FGD2: variants seen among roughly 807,000 people sequenced by gnomAD.
FGD2 encodes FYVE, RhoGEF and PH domain-containing protein 2.
A neutral mutation model predicts 75.9 loss-of-function variants in FGD2; 52 were observed. That is an observed-to-expected ratio of 0.69 (90% confidence interval 0.55 to 0.86). FGD2 has a LOEUF of 0.86. Among genes scored for constraint, FGD2 ranks in the 40% least tolerant of loss-of-function variants. The pLI, the probability that FGD2 is intolerant of heterozygous loss-of-function variation, is 0.00. For missense variants in FGD2, 790 were observed against 872.0 expected (o/e 0.91, Z 1.18); for synonymous variants, 347 against 348.6 (o/e 1.00, Z 0.05).
In FGD2 at chr6:37,011,011, A is replaced by G; in HGVS notation, c.339A>G (p.Thr113=). 1.2e-6 allele frequency: 2 copies of G among 1,614,210 alleles called. No homozygotes were observed. Among genetic ancestry groups the G allele is most frequent in the Non-Finnish European group, 8.5e-7 (1 of 1,180,028 alleles). The change falls in exon 3 of 16, where the codon ACA becomes ACG. Residue 113 remains threonine, a synonymous_variant. Transcript: ENST00000274963. The part of the protein sequence containing the change: ...EKKIVQELLE[T]EQAYVARLHL... ...AGATCGTCCAGGAGCTGCTGGAGAC[A>G]GAGCAGGCCTATGTGGCGCGCCTCC...
chr6:37,020,510 T>C (rs894622806), intron 9 of FGD2, 31 bp from the exon 10 acceptor site: 17 of 1,582,856 alleles, frequency 1.1e-5, no homozygotes, highest in Non-Finnish European at 1.2e-5. Context: ...CTATGATGAG[T>C]CTGAACTGGT....
chr6:37,010,351 T>C (rs1212045594), intron 2 of FGD2, among the ~76,000 whole-genome samples: 1 of 152,214 alleles, frequency 6.6e-6, no homozygotes, highest in Non-Finnish European at 1.5e-5. Context: ...CTGACATTAA[T>C]CCTACCAGTT....
chr6:37,011,052 C>G lies in FGD2; in HGVS notation c.378+2C>G, dbSNP rs777172051. 3 of 1,614,072 alleles carry G rather than the reference C, an allele frequency of 1.9e-6. No individual in the cohort carries two copies. In the South Asian group the frequency reaches 3.3e-5, roughly 18 times the overall value. On this transcript the variant is annotated splice_donor_variant, in intron 3 of 15. Coordinates refer to ENST00000274963, the MANE Select transcript of FGD2 (RefSeq NM_173558.4). LOFTEE classifies it high-confidence loss of function. ...GCGCGCCTCCACCTGCTAGACCAGG[C>G]CAGTGACCAGGACACCCCCCTCTAG...
intron 8 of FGD2, among the ~76,000 whole-genome samples, chr6:37,015,540 T>C (rs1189057074): frequency 6.6e-6 from 1 of 152,120 alleles, no homozygotes; most frequent in African/African-American, 2.4e-5. Flanking sequence ...TGGTCCCTTG[T>C]AGGGTGACCC....
At chr6:37,008,809 C>T (rs1764868835) in intron 1 of FGD2, 25 bp from the exon 2 acceptor site, 1 of 1,533,042 alleles carries the variant, frequency 6.5e-7, no homozygotes, top group Non-Finnish European at 8.8e-7. Flanking sequence ...GGGAGGAAGC[C>T]CTCAGGTCTG....
At position 37,013,608 on chromosome 6, in the gene FGD2, G is replaced by A; in HGVS notation, c.528-1G>A. The A allele has an allele frequency of 6.2e-7, 1 of 1,613,374 alleles. No individual in the cohort carries two copies. The highest frequency in any genetic ancestry group is 8.5e-7 in the Non-Finnish European group (1 of 1,179,514). On this transcript the variant is annotated splice_acceptor_variant, in intron 4 of 15. Coordinates refer to ENST00000274963, the MANE Select transcript of FGD2 (RefSeq NM_173558.4). LOFTEE classifies it high-confidence loss of function. Reference sequence around the variant, plus strand: ...GGGCAATCCCTGTGCCCCTCCTGCAGGACAGCTAACCCCCGCATCGGTGAC... The same window carrying A: ...GGGCAATCCCTGTGCCCCTCCTGCAAGACAGCTAACCCCCGCATCGGTGAC...
At chr6:37,013,420 C>G (rs1765117457) in intron 4 of FGD2, 189 bp from the exon 5 acceptor site, 1 of 1,396,644 alleles carries the variant, frequency 7.2e-7, no homozygotes, top group African/African-American at 1.5e-5. Context: ...CAGCCTTTGG[C>G]CTCAGGAGGC....
chr6:37,008,791 G>T (rs1583290563), intron 1 of FGD2, 43 bp from the exon 2 acceptor site: 1 of 1,503,570 alleles, frequency 6.7e-7, no homozygotes, highest in African/African-American at 1.4e-5. Flanking sequence ...TGTTTTCCCT[G>T]TTCTCCAGGG....
chr6:37,008,488 G>C (rs539288101), intron 1 of FGD2, among the ~76,000 whole-genome samples: 1 of 152,256 alleles, frequency 6.6e-6, no homozygotes, highest in Admixed American at 6.5e-5. Flanking sequence ...ACTGAAAACA[G>C]AGGTGAGGTC....
chr6:37,019,733 G>A (rs1765472935), intron 9 of FGD2, among the ~76,000 whole-genome samples: 1 of 152,150 alleles, frequency 6.6e-6, no homozygotes, highest in African/African-American at 2.4e-5. Context: ...GGTGCTGTGT[G>A]ACCTCAGGCA....
At chr6:37,027,288 A>G in intron 14 of FGD2, 141 bp from the exon 15 acceptor site, 1 of 941,558 alleles carries the variant, frequency 1.1e-6, no homozygotes, top group Non-Finnish European at 1.5e-6. Context: ...ACTTGATGGG[A>G]CCTCTCTGAG....
At position 37,025,844 on chromosome 6, in the gene FGD2, A is replaced by G. The variant is rs760106286; in HGVS notation, c.1511A>G (p.Asn504Ser). The G allele has an allele frequency of 6.2e-7, 1 of 1,614,196 alleles. No individual in the cohort carries two copies. Among genetic ancestry groups the G allele is most frequent in the Non-Finnish European group, 8.5e-7 (1 of 1,180,026 alleles). ...CGGGCCGAACTGAAATACGACGACAACAGGCCCAACCGAGTCTGCCTCCAC... is the reference window on the plus strand; with the variant it reads ...CGGGCCGAACTGAAATACGACGACAGCAGGCCCAACCGAGTCTGCCTCCAC... ...DYRAELKYDD[N>S]RPNRVCLHCY... is the part of the protein sequence containing the mutation. The change falls in exon 14 of 16, where the codon AAC (asparagine) becomes AGC (serine). Residue 504 changes from asparagine (N) to serine (S), a missense_variant. By Grantham distance (46) the Asn-to-Ser change is conservative (BLOSUM62 1). Transcript: ENST00000274963.
rs757473372 is a variant in FGD2 at position 37,011,696 on chromosome 6, G to A, written c.379-10G>A. ...TCACTGCAGTGAGTGACCTGTCGTGGCGGCTACAGGTGTTTTTCCAGGAGC... is the reference window on the plus strand; with the variant it reads ...TCACTGCAGTGAGTGACCTGTCGTGACGGCTACAGGTGTTTTTCCAGGAGC... On this transcript the variant is annotated splice_polypyrimidine_tract_variant and intron_variant, in intron 3 of 15. Transcript: ENST00000274963. The A allele has an allele frequency of 9.9e-6, 16 of 1,613,894 alleles. No individual in the cohort carries two copies. Among genetic ancestry groups the A allele is most frequent in the Non-Finnish European group, 1.4e-5 (16 of 1,179,972 alleles).
chr6:37,021,076 GTA>G (rs1392783866), intron 11 of FGD2, among the ~76,000 whole-genome samples: 1 of 151,020 alleles, frequency 6.6e-6, no homozygotes, highest in South Asian at 2.1e-4. Flanking sequence ...GTGTTTGTGT[GTA>G]TGTGTGTGTT....
intron 3 of FGD2, 22 bp downstream of exon 3, chr6:37,011,072 C>G (rs201539823): frequency 3.8e-5 from 61 of 1,612,056 alleles, no homozygotes; most frequent in African/African-American, 8.0e-5. Flanking sequence ...GGACACCCCC[C>G]TCTAGAGCCC....
chr6:37,008,789 C>A (rs917467304), intron 1 of FGD2, 45 bp from the exon 2 acceptor site: 1 of 1,500,040 alleles, frequency 6.7e-7, no homozygotes, highest in South Asian at 1.4e-5. Context: ...GCTGTTTTCC[C>A]TGTTCTCCAG....
At chr6:37,014,785 C>T in intron 7 of FGD2, 81 bp downstream of exon 7, 1 of 1,609,194 alleles carries the variant, frequency 6.2e-7, no homozygotes, top group Non-Finnish European at 8.5e-7. Flanking sequence ...ACCTATCCCA[C>T]TGCTGCCCTC....
intron 11 of FGD2, 121 bp downstream of exon 11, chr6:37,020,860 TGAAGGGG>T: frequency 7.4e-7 from 1 of 1,357,656 alleles, no homozygotes; most frequent in Non-Finnish European, 1.0e-6. Flanking sequence ...CTATTTGGGC[TGAAGGGG>T]AGGGAGTGGT....
chr6:37,008,998 A>T lies in FGD2; in HGVS notation c.233A>T (p.Asn78Ile). 6.2e-7 allele frequency: 1 copy of T among 1,614,224 alleles called. No homozygotes were observed. The highest frequency in any genetic ancestry group is 8.5e-7 in the Non-Finnish European group (1 of 1,180,032). ...VSRRYLNSLK[N>I]KLSSEAWRKS... ...AGGAGGTACCTGAACTCCCTGAAGAACAAGCTGTCCAGCGAAGCCTGGAGG... is the reference window on the plus strand; with the variant it reads ...AGGAGGTACCTGAACTCCCTGAAGATCAAGCTGTCCAGCGAAGCCTGGAGG... The change falls in exon 2 of 16, where the codon AAC becomes ATC. Residue 78 changes from asparagine to isoleucine, a missense_variant. Transcript: ENST00000274963.
Sources: gnomAD v4.1 joint callset for allele counts (sites outside exome capture counted in the v4.1 genomes callset) on GRCh38, gnomAD v4.1.1 for gene constraint, MANE v1.5 for transcripts, NCBI Gene and HGNC (gene_info 2026-07-23, HGNC 2026-07-21) for gene names.